BDP1: variants seen among roughly 807,000 people sequenced by gnomAD.
BDP1 encodes the protein BDP1 general transcription factor IIIB subunit.
Under a neutral mutation model 266.6 loss-of-function variants are expected in BDP1, and 169 were observed. That is an observed-to-expected ratio of 0.63 (90% CI 0.56 to 0.72). BDP1 has a LOEUF of 0.72. Among genes scored for constraint, BDP1 ranks in the 30% least tolerant of loss-of-function variants. The pLI, the probability that BDP1 is intolerant of heterozygous loss-of-function variation, is 0.00. For synonymous variants in BDP1, 1,090 were observed against 1,022.4 expected (o/e 1.07, Z -1.26); for missense variants, 3,015 against 3,053.8 (o/e 0.99, Z 0.30).
At chr5:71,518,835 CTTTTT>C (rs35834219) in intron 22 of BDP1, among the ~76,000 whole-genome samples, 1 of 128,640 alleles carries the variant, frequency 7.8e-6, no homozygotes, top group African/African-American at 2.9e-5. Flanking sequence ...GTATGGATTA[CTTTTT>C]TTTTTTTTTT....
chr5:71,546,413 G>A (rs900623422), intron 32 of BDP1, among the ~76,000 whole-genome samples: 2 of 151,972 alleles, frequency 1.3e-5, no homozygotes, highest in African/African-American at 4.8e-5. Context: ...GAGGTCAGGA[G>A]TTCAAGAACA....
chr5:71,465,347 A>G (rs1170981316), intron 4 of BDP1, among the ~76,000 whole-genome samples: 1 of 152,106 alleles, frequency 6.6e-6, no homozygotes, highest in Non-Finnish European at 1.5e-5. Context: ...TGGTGTGATT[A>G]AACTCTTGGC....
At chr5:71,526,671 C>T (rs1175827533) in intron 25 of BDP1, among the ~76,000 whole-genome samples, 18 of 131,276 alleles carry the variant, frequency 1.4e-4, no homozygotes, top group Non-Finnish European at 2.8e-4. Flanking sequence ...ATAAAATTTA[C>T]TATCTCTCTC....
intron 4 of BDP1, 50 bp downstream of exon 4, chr5:71,464,167 T>C (rs373253166): frequency 2.5e-5 from 28 of 1,111,410 alleles, no homozygotes; most frequent in African/African-American, 1.6e-5. Flanking sequence ...TTTTAAGAAA[T>C]GAGATCAAAT....
chr5:71,555,846 T>C (rs899655602), intron 35 of BDP1, among the ~76,000 whole-genome samples: 1 of 152,230 alleles, frequency 6.6e-6, no homozygotes, highest in African/African-American at 2.4e-5. Context: ...ATTACTTATA[T>C]GTTCTCAAAT....
chr5:71,468,662 G>A (rs962775506), intron 6 of BDP1, among the ~76,000 whole-genome samples: 3 of 146,130 alleles, frequency 2.1e-5, no homozygotes, highest in African/African-American at 7.6e-5. Context: ...GCTGGAGTGC[G>A]GTGGCGCGAT....
chr5:71,517,392 A>G lies in BDP1; in HGVS notation c.4931A>G (p.Asn1644Ser). ...GTTCCAGAACACAGAATGTATGAAA[A>G]TCAAAGTCAGGTGGTTCTTGTAGAA... ...SAVPEHRMYE[N>S]QSQVVLVENL... Residue 1644 changes from asparagine (N) to serine (S), a missense_variant, in exon 22 of 39, where the codon AAT becomes AGT. By Grantham distance (46) the Asn-to-Ser change is conservative. This residue lies in a region of BDP1 where 2,383 missense variants were observed against 2,404.9 expected (regional missense o/e 0.99). Coordinates refer to ENST00000358731, the MANE Select transcript of BDP1 (RefSeq NM_018429.3). The G allele has an allele frequency of 6.2e-7, 1 of 1,605,816 alleles. No homozygotes were observed. Among genetic ancestry groups the G allele is most frequent in the South Asian group, 1.1e-5 (1 of 88,652 alleles).
intron 26 of BDP1, among the ~76,000 whole-genome samples, chr5:71,536,069 C>CTA (rs1173118263): frequency 6.6e-6 from 1 of 152,134 alleles, no homozygotes; most frequent in African/African-American, 2.4e-5. Context: ...TGGCTAGAAC[C>CTA]TATAGTTCAA....
chr5:71,527,250 T>G (rs920016483), intron 25 of BDP1, among the ~76,000 whole-genome samples: 30 of 152,008 alleles, frequency 2.0e-4, no homozygotes, highest in Non-Finnish European at 7.4e-5. Flanking sequence ...CCGCAATGAG[T>G]GGTTGTCCCC....
In BDP1 at chr5:71,566,366, A is replaced by G. The variant is rs999984071; in HGVS notation, c.*1481A>G. ...TTAAAAACAGAGAAAATAAGGCTTT[A>G]TAAAGTTAATGATTATCATCAGTAT... On this transcript the variant is annotated 3_prime_UTR_variant, in exon 39 of 39. Transcript: ENST00000358731. 3.3e-5 allele frequency: 5 copies of G among 152,316 alleles called. No individual in the cohort carries two copies. 9.4% of individuals were successfully genotyped at this position (152,316 alleles called of 1,614,324 possible).
At chr5:71,531,820 T>C (rs962264728) in intron 25 of BDP1, among the ~76,000 whole-genome samples, 2 of 152,294 alleles carry the variant, frequency 1.3e-5, no homozygotes, top group Admixed American at 6.5e-5. Flanking sequence ...GATAAATACT[T>C]CTAAGGGCTT....
intron 16 of BDP1, among the ~76,000 whole-genome samples, chr5:71,508,005 G>A (rs1764676168): frequency 6.6e-6 from 1 of 152,168 alleles, no homozygotes; most frequent in Non-Finnish European, 1.5e-5. Context: ...TTACTCTGTT[G>A]CCCAGGTGGA....
chr5:71,570,896 A>G (rs1001044754), downstream of BDP1, among the ~76,000 whole-genome samples: 4 of 152,254 alleles, frequency 2.6e-5, no homozygotes, highest in African/African-American at 9.6e-5. Flanking sequence ...AATAAGATGC[A>G]CATAAATACA....
chr5:71,571,317 A>G (rs925439722), downstream of BDP1, among the ~76,000 whole-genome samples: 1 of 151,614 alleles, frequency 6.6e-6, no homozygotes, highest in African/African-American at 2.4e-5. Flanking sequence ...GCTAATACTT[A>G]TATTTTTTGT....
intron 12 of BDP1, among the ~76,000 whole-genome samples, chr5:71,496,773 G>A (rs1763922490): frequency 1.3e-5 from 2 of 152,068 alleles, no homozygotes; most frequent in African/African-American, 4.8e-5. Context: ...AGTAGAAACG[G>A]GGTTTCACCA....
chr5:71,510,792 A>G lies in BDP1; in HGVS notation c.3700A>G (p.Ile1234Val), dbSNP rs1764874588. The part of the protein sequence containing the change: ...ETDLKEIREE[I>V]SQREKVLAEF... ...AGATTTGAAAGAAATTAGAGAAGAAATTTCCCAAAGGGAAAAGGTGCTAGC... is the reference window on the plus strand; with the variant it reads ...AGATTTGAAAGAAATTAGAGAAGAAGTTTCCCAAAGGGAAAAGGTGCTAGC... The change falls in exon 17 of 39, where the codon ATT (isoleucine) becomes GTT (valine). Residue 1234 changes from isoleucine to valine, a missense_variant. Transcript: ENST00000358731. The G allele has an allele frequency of 2.5e-6, 4 of 1,613,786 alleles. No homozygotes were observed. Among genetic ancestry groups the G allele is most frequent in the Non-Finnish European group, 2.5e-6 (3 of 1,179,886 alleles).
At chr5:71,503,485 A>T (rs1180383990) in intron 15 of BDP1, among the ~76,000 whole-genome samples, 1 of 152,188 alleles carries the variant, frequency 6.6e-6, no homozygotes, top group African/African-American at 2.4e-5. Flanking sequence ...TGTTTGAATT[A>T]ATCTTTTGTT....
intron 18 of BDP1, among the ~76,000 whole-genome samples, chr5:71,512,961 C>A (rs1044814255): frequency 6.7e-6 from 1 of 148,470 alleles, no homozygotes; most frequent in African/African-American, 2.5e-5. Context: ...ACTTGGGAGG[C>A]TCAGATGGGA....
chr5:71,513,055 CCT>C, intron 18 of BDP1, 128 bp from the exon 19 acceptor site: 1 of 606,962 alleles, frequency 1.6e-6, no homozygotes, highest in Non-Finnish European at 2.7e-6. Context: ...AGAACAAGAC[CCT>C]GTCTCCAAAA....
Sources: gnomAD v4.1 joint callset for allele counts (sites outside exome capture counted in the v4.1 genomes callset) on GRCh38, gnomAD v4.1.1 for gene constraint, gnomAD v4.1.1 regional missense constraint, MANE v1.5 for transcripts, NCBI Gene and HGNC (gene_info 2026-07-23, HGNC 2026-07-21) for gene names.